The following KAZN variants were observed in gnomAD, a reference collection of about 807,000 sequenced individuals.
The protein encoded by KAZN is kazrin, periplakin interacting protein, also known as kazrin.
In KAZN, 40 loss-of-function variants were observed where a neutral mutation model predicts 87.4. The observed-to-expected ratio is 0.46, with a 90% confidence interval of 0.36 to 0.60. The LOEUF (loss-of-function observed/expected upper bound fraction) is 0.60. Among genes scored for constraint, KAZN ranks in the 20% least tolerant of loss-of-function variants. KAZN has a pLI of 0.00. For missense variants in KAZN, 898 were observed against 1,073.9 expected, an observed-to-expected ratio of 0.84 and a Z score of 2.29; for synonymous variants, 466 against 458.3, an observed-to-expected ratio of 1.02 and a Z score of -0.22.
intron 2 of KAZN, among the ~76,000 whole-genome samples, chr1:14,288,702 G>A (rs550359597): frequency 3.9e-5 from 6 of 152,164 alleles, no homozygotes; most frequent in South Asian, 2.1e-4. Context: ...TCTGATCTTC[G>A]TTATTTCTTG....
At chr1:14,101,385 T>G (rs868119510) in intron 1 of KAZN, among the ~76,000 whole-genome samples, 1 of 152,212 alleles carries the variant, frequency 6.6e-6, no homozygotes, top group Non-Finnish European at 1.5e-5. Flanking sequence ...TTATCTCCTT[T>G]TTCAGATAAA....
intron 1 of KAZN, among the ~76,000 whole-genome samples, chr1:14,021,816 G>C (rs958159210): frequency 2.0e-5 from 3 of 152,070 alleles, no homozygotes; most frequent in African/African-American, 7.2e-5. Context: ...TGTTCCCTGG[G>C]GAAGCCAATT....
intron 5 of KAZN, among the ~76,000 whole-genome samples, chr1:15,058,143 A>G (rs1259314439): frequency 6.6e-6 from 1 of 152,182 alleles, no homozygotes; most frequent in African/African-American, 2.4e-5. Flanking sequence ...CTGTTGATGC[A>G]TTTGTCACAT....
intron 2 of KAZN, among the ~76,000 whole-genome samples, chr1:14,217,391 A>G (rs1646981204): frequency 6.6e-6 from 1 of 152,106 alleles, no homozygotes; most frequent in Non-Finnish European, 1.5e-5. Context: ...AATAAAAACT[A>G]CAACCCACTA....
At chr1:14,376,584 A>G (rs1330354464) in intron 2 of KAZN, among the ~76,000 whole-genome samples, 2 of 152,218 alleles carry the variant, frequency 1.3e-5, no homozygotes, top group South Asian at 2.1e-4. Flanking sequence ...AGCCAAATAA[A>G]TATCTATTAT....
rs1013769735 is a variant in KAZN at position 13,940,355 on chromosome 1, G to T, written c.91+46599G>T. ...TGTTCAGTATTTCTGTTTCTTTCTG[G>T]TTCAATCTTGGGAGGTTGTATGTTT... On this transcript the variant is annotated intron_variant, in intron 1 of 16. Transcript: ENST00000636203. Among the ~76,000 whole-genome samples, 5 of 151,688 alleles carry T rather than the reference G, an allele frequency of 3.3e-5. No individual in the cohort carries two copies. The South Asian group carries it at 8.3e-4, about 25-fold the overall frequency.
intron 2 of KAZN, among the ~76,000 whole-genome samples, chr1:15,028,287 G>T (rs570638187): frequency 6.6e-6 from 1 of 152,320 alleles, no homozygotes; most frequent in Admixed American, 6.5e-5. Context: ...GACATCACCA[G>T]TCACCATGGC....
At chr1:14,375,897 A>C (rs6429658) in intron 2 of KAZN, among the ~76,000 whole-genome samples, 19 of 1,628 alleles carry the variant, frequency 0.012, no homozygotes, top group Non-Finnish European at 0.051. Context: ...CAAAAACAAA[A>C]AAAAAAAAAA....
intron 2 of KAZN, among the ~76,000 whole-genome samples, chr1:14,349,550 G>A (rs181437431): frequency 6.6e-6 from 1 of 152,202 alleles, no homozygotes; most frequent in Non-Finnish European, 1.5e-5. Context: ...CATTCCCAAG[G>A]TCTCTCCAAA....
intron 2 of KAZN, among the ~76,000 whole-genome samples, chr1:14,230,328 A>G (rs944959639): frequency 1.3e-5 from 2 of 152,236 alleles, no homozygotes; most frequent in Non-Finnish European, 2.9e-5. Flanking sequence ...CTTGCCATGT[A>G]TTGGGCACTG....
intron 1 of KAZN, among the ~76,000 whole-genome samples, chr1:14,840,603 AG>A (rs1446937147): frequency 1.3e-5 from 2 of 152,234 alleles, no homozygotes; most frequent in African/African-American, 4.8e-5. Context: ...GTGCTAAGTA[AG>A]GGCTGCCATT....
chr1:14,607,954 T>A (rs1488714305), intron 1 of KAZN, among the ~76,000 whole-genome samples: 1 of 152,224 alleles, frequency 6.6e-6, no homozygotes, highest in African/African-American at 2.4e-5. Context: ...ACCTTCATAT[T>A]ACAGAGAGTT....
Position 14,111,740 on chromosome 1 carries a change from C to CTTTTT in KAZN, c.92-68682_92-68678dup, listed in dbSNP as rs68167208. On this transcript the variant is annotated intron_variant, in intron 1 of 16. Coordinates refer to the KAZN transcript ENST00000636203. Reference sequence around the variant, plus strand: ...CCCAACCCTTTGCCTAGATTCTTTTCTTTTTTTTTTTTTTTTTGAGGTGGA... The same window carrying CTTTTT: ...CCCAACCCTTTGCCTAGATTCTTTTCTTTTTTTTTTTTTTTTTTTTTTGAGGTGGA... 8.8e-4 allele frequency among the ~76,000 whole-genome samples: 71 copies of CTTTTT among 80,784 alleles called. 5 individuals carry two copies. The highest frequency in any genetic ancestry group is 3.7e-3 in the African/African-American group (70 of 18,744). 53.0% of individuals were successfully genotyped at this position (80,784 alleles called of 152,430 possible).
chr1:14,181,644 C>T (rs572581131), intron 2 of KAZN, among the ~76,000 whole-genome samples: 11 of 152,258 alleles, frequency 7.2e-5, no homozygotes, highest in South Asian at 2.1e-4. Flanking sequence ...TTCCTATTCA[C>T]GGTTCTCCTG....
At chr1:15,012,400 C>T (rs1461852675) in intron 2 of KAZN, among the ~76,000 whole-genome samples, 1 of 152,208 alleles carries the variant, frequency 6.6e-6, no homozygotes, top group Non-Finnish European at 1.5e-5. Flanking sequence ...AAGCCCAAAT[C>T]TCCCATGGTG....
chr1:15,084,625 A>G (rs1412942691), intron 8 of KAZN, among the ~76,000 whole-genome samples: 1 of 152,250 alleles, frequency 6.6e-6, no homozygotes, highest in Non-Finnish European at 1.5e-5. Flanking sequence ...TTTGGGATAT[A>G]GCAAAGTGGA....
chr1:14,829,060 T>A (rs1646980889), intron 1 of KAZN, among the ~76,000 whole-genome samples: 1 of 152,182 alleles, frequency 6.6e-6, no homozygotes, highest in Admixed American at 6.5e-5. Flanking sequence ...CATTAGTTCA[T>A]GATCCTTCAC....
intron 1 of KAZN, among the ~76,000 whole-genome samples, chr1:14,896,003 C>T (rs1387389544): frequency 6.7e-6 from 1 of 150,318 alleles, no homozygotes; most frequent in Non-Finnish European, 1.5e-5. Flanking sequence ...TAAAGATATT[C>T]CAGGACAAAG....
intron 1 of KAZN, among the ~76,000 whole-genome samples, chr1:14,641,107 A>G (rs1201525625): frequency 6.6e-6 from 1 of 152,154 alleles, no homozygotes; most frequent in Non-Finnish European, 1.5e-5. Flanking sequence ...AAGCAATTCC[A>G]CTGTAAATCT....
Sources: allele counts gnomAD v4.1 joint callset (sites outside exome capture counted in the v4.1 genomes callset), GRCh38; gene constraint gnomAD v4.1.1; transcripts MANE v1.5; gene names NCBI Gene and HGNC (gene_info 2026-07-23, HGNC 2026-07-21).